DAB1: variants seen among roughly 807,000 people sequenced by gnomAD.
The protein encoded by DAB1 is disabled homolog 1.
In DAB1, 15 loss-of-function variants were observed where a neutral mutation model predicts 64.6. The observed-to-expected ratio is 0.23, with a 90% CI of 0.16 to 0.36. DAB1 has a LOEUF of 0.36. DAB1 is among the 10% of genes least tolerant of loss of function. The pLI, the probability that DAB1 is intolerant of heterozygous loss-of-function variation, is 1.00. For missense variants in DAB1, 596 were observed against 706.7 expected, an observed-to-expected ratio of 0.84 and a Z score of 1.78; for synonymous variants, 235 against 251.9, an observed-to-expected ratio of 0.93 and a Z score of 0.64.
At chr1:57,979,356 T>C (rs920346766) in intron 5 of DAB1, among the ~76,000 whole-genome samples, 2 of 151,302 alleles carry the variant, frequency 1.3e-5, no homozygotes, top group Admixed American at 6.6e-5. Flanking sequence ...TAAGTGAGAG[T>C]TGAACAACGA....
chr1:58,236,063 A>C lies in DAB1; in HGVS notation n.310-85475T>G, dbSNP rs1054337825. The stretch of plus-strand genomic sequence containing the variant: ...GCAGAAAGACGAGAGCAAGGCTTCA[A>C]GGATCCTGGGCCTACCCCTTGGCCT... On this transcript the variant is annotated intron_variant and non_coding_transcript_variant, in intron 4 of 20. Transcript: ENST00000485760. 3.3e-5 allele frequency among the ~76,000 whole-genome samples: 5 copies of C among 152,270 alleles called. No homozygotes were observed. In the East Asian group the frequency reaches 9.7e-4, roughly 29 times the overall value.
chr1:57,934,100 T>C (rs1185593749), intron 5 of DAB1, among the ~76,000 whole-genome samples: 1 of 150,988 alleles, frequency 6.6e-6, no homozygotes, highest in Non-Finnish European at 1.5e-5. Context: ...TGTGTGTGTG[T>C]GTGTTTAGTA....
chr1:58,012,155 CCAATCAGAGG>C (rs1646677446), intron 5 of DAB1, among the ~76,000 whole-genome samples: 1 of 152,136 alleles, frequency 6.6e-6, no homozygotes, highest in Non-Finnish European at 1.5e-5. Context: ...GAAGGACTGA[CCAATCAGAGG>C]CAATTCAAAT....
intron 3 of DAB1, chr1:58,481,014 T>TG: frequency 1.1e-6 from 1 of 871,782 alleles, no homozygotes; most frequent in Non-Finnish European, 2.0e-6. Flanking sequence ...TATTTGCTCC[T>TG]GTTTTTGAAT....
chr1:58,204,813 T>C (rs1658179481), intron 4 of DAB1, among the ~76,000 whole-genome samples: 1 of 152,182 alleles, frequency 6.6e-6, no homozygotes, highest in Non-Finnish European at 1.5e-5. Flanking sequence ...TGGCATCTGC[T>C]ACACCTGTCT....
rs185645428 is a variant in DAB1, at chr1:57,416,504, G to T, written c.-137+7426C>A. ...TGGAAGTAGATAGCTCTAGTGAATCGACTGTTTTAATAGGACAGATTTGGA... is the reference window on the plus strand; with the variant it reads ...TGGAAGTAGATAGCTCTAGTGAATCTACTGTTTTAATAGGACAGATTTGGA... On this transcript the variant is annotated intron_variant, in intron 1 of 14. Coordinates refer to ENST00000371236, the MANE Select transcript of DAB1 (RefSeq NM_001365792.1). Among the ~76,000 whole-genome samples, 7 of 152,178 alleles carry T rather than the reference G, an allele frequency of 4.6e-5. No homozygotes were observed. In the East Asian group the frequency reaches 1.3e-3, roughly 29 times the overall value.
intron 9 of DAB1, among the ~76,000 whole-genome samples, chr1:57,054,115 A>G (rs1205071957): frequency 6.6e-6 from 1 of 152,214 alleles, no homozygotes; most frequent in Non-Finnish European, 1.5e-5. Flanking sequence ...AATTACAAGG[A>G]GAAGGATAAA....
chr1:58,109,108 G>C (rs11803102), intron 5 of DAB1, among the ~76,000 whole-genome samples: 2 of 152,150 alleles, frequency 1.3e-5, no homozygotes, highest in African/African-American at 4.8e-5. Flanking sequence ...TAGTGTTGGG[G>C]CTTTCCTCAC....
intron 6 of DAB1, among the ~76,000 whole-genome samples, chr1:57,668,299 T>C (rs989482716): frequency 8.5e-5 from 13 of 152,140 alleles, no homozygotes; most frequent in Non-Finnish European, 2.9e-5. Context: ...ATACTTCTAT[T>C]GAACAGCACT....
At chr1:57,763,299 G>T (rs189035120) in intron 6 of DAB1, among the ~76,000 whole-genome samples, 2 of 152,020 alleles carry the variant, frequency 1.3e-5, no homozygotes, top group African/African-American at 4.8e-5. Context: ...TAGATACATA[G>T]CCAGTAAGTT....
chr1:57,598,084 G>A (rs903284899), intron 7 of DAB1, among the ~76,000 whole-genome samples: 22 of 152,298 alleles, frequency 1.4e-4, no homozygotes, highest in African/African-American at 4.8e-4. Context: ...CCAGGTTTAC[G>A]CCATTCCCCT....
At chr1:57,923,142 A>G (rs1390198278) in intron 5 of DAB1, among the ~76,000 whole-genome samples, 12 of 152,052 alleles carry the variant, frequency 7.9e-5, no homozygotes, top group African/African-American at 2.9e-4. Flanking sequence ...TCTTCTGTCT[A>G]TAAAGAGATG....
intron 4 of DAB1, among the ~76,000 whole-genome samples, chr1:58,247,218 C>T (rs555370384): frequency 6.6e-6 from 1 of 150,992 alleles, no homozygotes; most frequent in Admixed American, 6.6e-5. Context: ...ACTGCTACTT[C>T]TGGGTGGCAT....
At chr1:57,243,775 T>C (rs2100488903) in intron 2 of DAB1, among the ~76,000 whole-genome samples, 1 of 152,278 alleles carries the variant, frequency 6.6e-6, no homozygotes, top group South Asian at 2.1e-4. Flanking sequence ...GCAGCGCTGG[T>C]GGTCGCTTCC....
intron 7 of DAB1, among the ~76,000 whole-genome samples, chr1:57,533,317 G>A (rs1257083696): frequency 1.3e-5 from 2 of 150,826 alleles, no homozygotes; most frequent in Non-Finnish European, 2.9e-5. Context: ...GAGACCCTGT[G>A]GATTCTTATA....
intron 5 of DAB1, among the ~76,000 whole-genome samples, chr1:57,964,557 C>T (rs1034666148): frequency 2.0e-5 from 3 of 152,092 alleles, no homozygotes; most frequent in African/African-American, 7.2e-5. Flanking sequence ...GAGTATTTAC[C>T]GAGTGTCTAT....
intron 1 of DAB1, among the ~76,000 whole-genome samples, chr1:57,336,515 T>C (rs1390130687): frequency 5.3e-5 from 8 of 152,206 alleles, no homozygotes; most frequent in Non-Finnish European, 8.8e-5. Context: ...TAGGAAGGAG[T>C]TTTGATTCCT....
At chr1:57,060,701 G>T (rs1214069379) in intron 9 of DAB1, among the ~76,000 whole-genome samples, 3 of 152,176 alleles carry the variant, frequency 2.0e-5, no homozygotes, top group Non-Finnish European at 4.4e-5. Context: ...GGGGAAGGCT[G>T]CAGAGAGAGT....
intron 4 of DAB1, among the ~76,000 whole-genome samples, chr1:58,216,101 T>C (rs898330577): frequency 6.6e-6 from 1 of 152,224 alleles, no homozygotes; most frequent in African/African-American, 2.4e-5. Flanking sequence ...TACATAGGTA[T>C]ACACGTGCCA....
Sources: allele counts gnomAD v4.1 joint callset (sites outside exome capture counted in the v4.1 genomes callset), GRCh38; gene constraint gnomAD v4.1.1; transcripts MANE v1.5; gene names NCBI Gene and HGNC (gene_info 2026-07-23, HGNC 2026-07-21).